Variants in ARMH3 observed in about 807,000 individuals in gnomAD.
ARMH3 encodes armadillo-like helical domain-containing protein 3.
In ARMH3, 60 loss-of-function variants were observed where a neutral mutation model predicts 99.1. That is an observed-to-expected ratio of 0.61 (90% CI 0.49 to 0.75). The LOEUF is 0.75. ARMH3 is among the 30% of genes least tolerant of loss of function. The pLI, the probability that ARMH3 is intolerant of heterozygous loss-of-function variation, is 0.00. For synonymous variants in ARMH3, 285 were observed against 292.8 expected, an observed-to-expected ratio of 0.97 and a Z score of 0.27; for missense variants, 679 against 843.1, an observed-to-expected ratio of 0.81 and a Z score of 2.41.
intron 22 of ARMH3, among the ~76,000 whole-genome samples, chr10:101,953,024 G>C (rs1243069231): frequency 2.0e-5 from 3 of 152,176 alleles, no homozygotes; most frequent in Non-Finnish European, 4.4e-5. Flanking sequence ...ATCCCACTGG[G>C]TGTATATACC....
At chr10:101,993,440 C>T in intron 17 of ARMH3, 98 bp downstream of exon 17, 2 of 865,312 alleles carry the variant, frequency 2.3e-6, no homozygotes, top group South Asian at 1.8e-5. Flanking sequence ...CACAACTTTC[C>T]ACCCACATTT....
intron 22 of ARMH3, among the ~76,000 whole-genome samples, chr10:101,943,822 T>G (rs1205294394): frequency 6.6e-6 from 1 of 151,920 alleles, no homozygotes; most frequent in Non-Finnish European, 1.5e-5. Context: ...CCCAGCACTT[T>G]GGGAGGCCGA....
At chr10:102,020,917 T>C (rs1239491078) in intron 8 of ARMH3, among the ~76,000 whole-genome samples, 2 of 151,136 alleles carry the variant, frequency 1.3e-5, no homozygotes, top group Non-Finnish European at 1.5e-5. Flanking sequence ...CACTCACCAC[T>C]CACTCAGACT....
chr10:101,905,925 C>T (rs1320503708), intron 23 of ARMH3, among the ~76,000 whole-genome samples: 3 of 152,312 alleles, frequency 2.0e-5, no homozygotes, highest in Non-Finnish European at 2.9e-5. Context: ...CGTCTTTTCC[C>T]GGAGTATCAT....
intron 23 of ARMH3, among the ~76,000 whole-genome samples, chr10:101,899,192 C>G (rs575165981): frequency 9.2e-5 from 14 of 152,288 alleles, no homozygotes; most frequent in African/African-American, 3.4e-4. Flanking sequence ...ATCTAACTAG[C>G]CCTAAGGAAT....
At chr10:102,042,694 A>G (rs1191447035) in intron 1 of ARMH3, among the ~76,000 whole-genome samples, 8 of 152,182 alleles carry the variant, frequency 5.3e-5, no homozygotes, top group Non-Finnish European at 1.2e-4. Context: ...GGGAGTTTCT[A>G]AGGTGGCAGA....
intron 23 of ARMH3, among the ~76,000 whole-genome samples, chr10:101,926,845 A>G (rs1446699157): frequency 6.6e-6 from 1 of 152,216 alleles, no homozygotes; most frequent in African/African-American, 2.4e-5. Context: ...CTAAAGGATC[A>G]GGGATAGTTA....
intron 23 of ARMH3, among the ~76,000 whole-genome samples, chr10:101,893,513 G>A (rs910563620): frequency 1.3e-5 from 2 of 151,974 alleles, no homozygotes; most frequent in South Asian, 4.2e-4. Context: ...GCTTCTGTCT[G>A]GGTGGAATGT....
In ARMH3 at chr10:101,941,982, TCA is replaced by T. The variant is rs1382383173; in HGVS notation, c.1706-2046_1706-2045del. ...AGCTGAATTTTGCCTCCTCACATTT[TCA>T]CAGAGGTATTGAACTCTGTCCACGG... On this transcript the variant is annotated intron_variant, in intron 22 of 25. Transcript: ENST00000370033. Among the ~76,000 whole-genome samples, 6 of 152,338 alleles carry T rather than the reference TCA, an allele frequency of 3.9e-5. No individual in the cohort carries two copies. In the East Asian group the frequency reaches 1.2e-3, roughly 29 times the overall value.
chr10:101,849,942 A>T, intron 24 of ARMH3, 50 bp from the exon 25 acceptor site: 1 of 1,528,166 alleles, frequency 6.5e-7, no homozygotes, highest in Non-Finnish European at 9.1e-7. Context: ...AAATCCCACA[A>T]CCCTGAGCCC....
chr10:101,914,205 C>A (rs188439656), intron 23 of ARMH3, among the ~76,000 whole-genome samples: 1 of 151,934 alleles, frequency 6.6e-6, no homozygotes, highest in Non-Finnish European at 1.5e-5. Flanking sequence ...ATATGATACC[C>A]GAGCTGGGCG....
intron 23 of ARMH3, among the ~76,000 whole-genome samples, chr10:101,907,073 T>C (rs1227932830): frequency 6.6e-6 from 1 of 152,202 alleles, no homozygotes; most frequent in African/African-American, 2.4e-5. Flanking sequence ...TTCGTAACAC[T>C]AGTCTTCAGA....
chr10:101,881,487 A>G (rs1486063655), intron 24 of ARMH3, among the ~76,000 whole-genome samples: 1 of 152,172 alleles, frequency 6.6e-6, no homozygotes, highest in Non-Finnish European at 1.5e-5. Flanking sequence ...AACAATGGAC[A>G]TATTGTTAAG....
intron 14 of ARMH3, among the ~76,000 whole-genome samples, chr10:102,002,412 G>A (rs993435504): frequency 1.2e-4 from 18 of 151,972 alleles, no homozygotes; most frequent in African/African-American, 4.3e-4. Context: ...AAGAAACTTC[G>A]ATTTCTACCT....
chr10:102,033,567 C>T (rs945006583), intron 2 of ARMH3: 1 of 430,686 alleles, frequency 2.3e-6, no homozygotes. Flanking sequence ...TACAGGCGCC[C>T]ACCACCTCGC....
chr10:101,858,580 C>G (rs1468318399), intron 24 of ARMH3, among the ~76,000 whole-genome samples: 4 of 152,180 alleles, frequency 2.6e-5, no homozygotes, highest in Non-Finnish European at 5.9e-5. Context: ...TCCCTTTCAA[C>G]CCCATCCATA....
Position 101,847,630 on chromosome 10 carries a change from G to C in ARMH3, c.1978-10C>G, listed in dbSNP as rs761571346. The C allele has an allele frequency of 6.2e-7, 1 of 1,613,780 alleles. No homozygotes were observed. Among genetic ancestry groups the C allele is most frequent in the South Asian group, 1.1e-5 (1 of 91,080 alleles). On this transcript the variant is annotated splice_polypyrimidine_tract_variant and intron_variant, in intron 25 of 25. Transcript: ENST00000370033. Reference sequence around the variant, plus strand: ...TGCTAATGGATCGAACCTGGGAAAGGGTAGTTGGGGAAGGTGGGAGGGCGC... The same window carrying C: ...TGCTAATGGATCGAACCTGGGAAAGCGTAGTTGGGGAAGGTGGGAGGGCGC...
intron 24 of ARMH3, among the ~76,000 whole-genome samples, chr10:101,867,949 G>C (rs80341600): frequency 6.6e-6 from 1 of 151,316 alleles, no homozygotes; most frequent in Non-Finnish European, 1.5e-5. Context: ...GATCAGGCTG[G>C]GCAACATAGT....
intron 19 of ARMH3, among the ~76,000 whole-genome samples, chr10:101,981,361 C>T (rs1470885725): frequency 1.3e-5 from 2 of 152,068 alleles, no homozygotes; most frequent in Non-Finnish European, 2.9e-5. Flanking sequence ...TGGTGGCTCA[C>T]GCCTGTAATC....
Sources: gnomAD v4.1 joint callset for allele counts (sites outside exome capture counted in the v4.1 genomes callset) on GRCh38, gnomAD v4.1.1 for gene constraint, MANE v1.5 for transcripts, NCBI Gene and HGNC (gene_info 2026-07-23, HGNC 2026-07-21) for gene names.